The following GSN variants were observed in gnomAD, a reference collection of about 807,000 sequenced individuals.
GSN encodes gelsolin.
GSN carries 56 observed loss-of-function variants against 85.7 expected under a neutral mutation model. The observed-to-expected ratio is 0.65, with a 90% confidence interval of 0.53 to 0.82. The LOEUF (loss-of-function observed/expected upper bound fraction) is 0.82. Among genes scored for constraint, GSN ranks in the 40% least tolerant of loss-of-function variants. The pLI is 0.00. For synonymous variants in GSN, 373 were observed against 399.1 expected, an observed-to-expected ratio of 0.93 and a Z score of 0.78; for missense variants, 857 against 979.8, an observed-to-expected ratio of 0.87 and a Z score of 1.67.
chr9:121,303,964 A>T (rs2060153574), intron 4 of GSN, among the ~76,000 whole-genome samples: 1 of 152,236 alleles, frequency 6.6e-6, no homozygotes, highest in Non-Finnish European at 1.5e-5. Context: ...AGAGTCACAC[A>T]GCGAATTGGT....
intron 10 of GSN, among the ~76,000 whole-genome samples, chr9:121,320,253 T>C (rs533098977): frequency 6.6e-6 from 1 of 152,254 alleles, no homozygotes; most frequent in East Asian, 1.9e-4. Flanking sequence ...TCGTGACCAC[T>C]TGGAAAAAGC....
At chr9:121,300,084 G>A (rs533132367) in intron 2 of GSN, 1 of 1,611,528 alleles carries the variant, frequency 6.2e-7, no homozygotes, top group East Asian at 2.2e-5. Context: ...TAGGAAAAGG[G>A]GAGTAATTCA....
intron 1 of GSN, among the ~76,000 whole-genome samples, chr9:121,272,775 C>T (rs1385554432): frequency 6.6e-6 from 1 of 152,184 alleles, no homozygotes; most frequent in Non-Finnish European, 1.5e-5. Flanking sequence ...GATAGTGACT[C>T]CATTTTACAG....
At chr9:121,258,482 T>C (rs1030484382) in intron 6 of GSN, among the ~76,000 whole-genome samples, 1 of 151,352 alleles carries the variant, frequency 6.6e-6, no homozygotes, top group Non-Finnish European at 1.5e-5. Flanking sequence ...AAAAAAACTA[T>C]ATTGAAGATA....
chr9:121,279,373 T>C (rs1486088296), intron 1 of GSN, among the ~76,000 whole-genome samples: 1 of 152,044 alleles, frequency 6.6e-6, no homozygotes, highest in African/African-American at 2.4e-5. Flanking sequence ...CTAAGGAGGA[T>C]GCATTGTAGG....
chr9:121,318,435 G>T lies in GSN; in HGVS notation c.916G>T (p.Ala306Ser). The T allele has an allele frequency of 1.2e-6, 2 of 1,614,158 alleles. No homozygotes were observed. Residue 306 changes from alanine (A) to serine (S), a missense_variant, in exon 9 of 18, where the codon GCT becomes TCT. By Grantham distance (99) the Ala-to-Ser change is moderately conservative. Coordinates refer to ENST00000432226, the MANE Select transcript of GSN (RefSeq NM_198252.3). The surrounding 1 kb of genome is among the most constrained non-coding windows in gnomAD (Gnocchi z 4.3). ...GCAGGCAAACACGGAGGAGAGGAAG[G>T]CTGCCCTCAAAACAGCCTCTGACTT... ...GKQANTEERK[A>S]ALKTASDFIT...
intron 14 of GSN, 100 bp downstream of exon 14, chr9:121,327,582 C>T: frequency 1.1e-6 from 1 of 927,474 alleles, no homozygotes; most frequent in East Asian, 2.6e-5. Context: ...CCCCTCCATC[C>T]CACCTGAGGG....
At chr9:121,277,427 G>T (rs998741481) in intron 1 of GSN, among the ~76,000 whole-genome samples, 2 of 152,166 alleles carry the variant, frequency 1.3e-5, no homozygotes, top group Non-Finnish European at 2.9e-5. Context: ...CTGGTCCAGG[G>T]ATCACACTTT....
chr9:121,221,911 TCTG>T (rs2054177280), intron 4 of GSN, among the ~76,000 whole-genome samples: 2 of 152,074 alleles, frequency 1.3e-5, no homozygotes, highest in Non-Finnish European at 2.9e-5. Flanking sequence ...AAAAAACAGG[TCTG>T]CTGGGAAATA....
chr9:121,310,369 C>T, intron 4 of GSN: 1 of 395,984 alleles, frequency 2.5e-6, no homozygotes, highest in South Asian at 2.3e-5. Context: ...AAAGTGGCTA[C>T]AGGGGTCCTT....
chr9:121,220,048 A>T (rs879757240), intron 4 of GSN, among the ~76,000 whole-genome samples: 1 of 152,006 alleles, frequency 6.6e-6, no homozygotes, highest in Non-Finnish European at 1.5e-5. Context: ...CGCCTGGCTA[A>T]TTTTTAGTAT....
intron 1 of GSN, chr9:121,209,288 C>T (rs1202164372): frequency 6.6e-6 from 1 of 152,222 alleles, no homozygotes; most frequent in Non-Finnish European, 1.5e-5. Context: ...AATCCTTCAT[C>T]CTTCCAGGAA....
At chr9:121,278,976 C>T (rs1436427638) in intron 1 of GSN, among the ~76,000 whole-genome samples, 4 of 152,202 alleles carry the variant, frequency 2.6e-5, no homozygotes, top group South Asian at 2.1e-4. Context: ...CACGTGTGCA[C>T]GCATGGGAGT....
At chr9:121,270,863 T>C (rs1192745798) in intron 1 of GSN, among the ~76,000 whole-genome samples, 2 of 152,148 alleles carry the variant, frequency 1.3e-5, no homozygotes, top group Non-Finnish European at 2.9e-5. Context: ...TCTGGTTTTC[T>C]TTAAGAAAAC....
In GSN at chr9:121,261,022, T is replaced by A. The variant is rs2055072893; in HGVS notation, c.-340-4132T>A. On this transcript the variant is annotated intron_variant, in intron 6 of 24. Transcript: ENST00000373823. This position sits in a 1 kb window ranked among gnomAD's most constrained non-coding sequence, Gnocchi z 4.1. The stretch of plus-strand genomic sequence containing the variant: ...AGAAGGTAATGCATTGCTGGCCCGA[T>A]TGTGTTTCAACTCCAAGAAACAGCA... Among the ~76,000 whole-genome samples, 3 of 152,242 alleles carry A rather than the reference T, an allele frequency of 2.0e-5. No individual in the cohort carries two copies. The South Asian group carries it at 6.2e-4, about 32-fold the overall frequency.
intron 1 of GSN, chr9:121,207,923 A>ATGGGTGTGTGTGTG: frequency 7.2e-6 from 1 of 139,436 alleles, no homozygotes; most frequent in South Asian, 2.7e-4. Context: ...TCTGGCTAAT[A>ATGGGTGTGTGTGTG]TGTGTGTGTG....
At chr9:121,305,355 T>TTA (rs1389288916) in intron 4 of GSN, among the ~76,000 whole-genome samples, 1 of 152,174 alleles carries the variant, frequency 6.6e-6, no homozygotes, top group African/African-American at 2.4e-5. Flanking sequence ...CATTGAACAC[T>TTA]TATCTATTAC....
At chr9:121,262,430 T>C (rs2055107539) in intron 6 of GSN, among the ~76,000 whole-genome samples, 1 of 152,244 alleles carries the variant, frequency 6.6e-6, no homozygotes, top group South Asian at 2.1e-4. Flanking sequence ...AATAATAAAG[T>C]GACCGGCATA....
chr9:121,299,999 G>A lies in GSN; in HGVS notation c.-9-1964G>A. 6.9e-7 allele frequency: 1 copy of A among 1,449,160 alleles called. No individual in the cohort carries two copies. Among genetic ancestry groups the A allele is most frequent in the South Asian group, 1.6e-5 (1 of 63,054 alleles). 89.8% of individuals were successfully genotyped at this position (1,449,160 alleles called of 1,614,324 possible). ...GGGCGCCCCAGGGGCGGGTGCCCGA[G>A]GCGCGGGTGAGTGCCCGGGGGGCCC... On this transcript the variant is annotated intron_variant, in intron 2 of 17. Coordinates refer to ENST00000432226, the MANE Select transcript of GSN (RefSeq NM_198252.3). This position sits in a 1 kb window ranked among gnomAD's most constrained non-coding sequence, Gnocchi z 4.2.
Sources: allele counts gnomAD v4.1 joint callset (sites outside exome capture counted in the v4.1 genomes callset), GRCh38; gene constraint gnomAD v4.1.1; non-coding constraint Gnocchi (gnomAD v3.1); transcripts MANE v1.5; gene names NCBI Gene and HGNC (gene_info 2026-07-23, HGNC 2026-07-21).